The following RHBDD1 variants were observed in gnomAD, a reference collection of about 807,000 sequenced individuals.
RHBDD1 encodes the protein rhomboid domain containing 1.
A neutral mutation model predicts 36.3 loss-of-function variants in RHBDD1; 38 were observed. The ratio of observed to expected loss-of-function variants is 1.05; its 90% CI spans 0.81 to 1.37. RHBDD1 has a LOEUF of 1.37. Ranked by LOEUF, RHBDD1 falls within the 40% of genes most tolerant of loss-of-function variation. RHBDD1 has a pLI of 0.00. For synonymous variants in RHBDD1, 151 were observed against 136.5 expected, an observed-to-expected ratio of 1.11 and a Z score of -0.74; for missense variants, 393 against 377.6, an observed-to-expected ratio of 1.04 and a Z score of -0.34.
chr2:226,862,756 T>G (rs1039728957), intron 3 of RHBDD1, among the ~76,000 whole-genome samples: 1 of 152,212 alleles, frequency 6.6e-6, no homozygotes, highest in African/African-American at 2.4e-5. Context: ...TCTATTTAGC[T>G]CACAGTTCTA....
chr2:226,992,688 T>C (rs892415816), intron 8 of RHBDD1, among the ~76,000 whole-genome samples: 1 of 152,156 alleles, frequency 6.6e-6, no homozygotes, highest in African/African-American at 2.4e-5. Flanking sequence ...CAGATAGCAG[T>C]GAGCTTCCCA....
the RHBDD1 span, among the ~76,000 whole-genome samples, chr2:226,816,038 C>T: frequency 2.6e-4 from 39 of 152,244 alleles, no homozygotes; most frequent in East Asian, 6.9e-3. Flanking sequence ...GTGTAGGTGA[C>T]GCTGCCTTCA....
intron 8 of RHBDD1, among the ~76,000 whole-genome samples, chr2:226,963,166 C>G (rs1284501187): frequency 9.2e-6 from 1 of 108,536 alleles, no homozygotes; most frequent in Non-Finnish European, 1.9e-5. Context: ...AACCGCTATG[C>G]TTGAGAGTAA....
At chr2:226,831,836 G>A (rs116158310), upstream of RHBDD1, among the ~76,000 whole-genome samples, 3,270 of 151,904 alleles carry the variant, frequency 0.022, 120 homozygotes, top group African/African-American at 0.074. Flanking sequence ...TTGGCACAAC[G>A]TTATTTACAG....
intron 5 of RHBDD1, among the ~76,000 whole-genome samples, chr2:226,896,630 A>C (rs1313181111): frequency 6.6e-6 from 1 of 151,962 alleles, no homozygotes; most frequent in Non-Finnish European, 1.5e-5. Context: ...GGAATAGATC[A>C]CTCCTAAAAA....
intron 6 of RHBDD1, 185 bp from the exon 7 acceptor site, chr2:226,908,637 G>A: frequency 2.1e-5 from 11 of 512,648 alleles, no homozygotes; most frequent in South Asian, 2.5e-5. Flanking sequence ...TTCCCTGTAG[G>A]GACACACACA....
intron 8 of RHBDD1, among the ~76,000 whole-genome samples, chr2:226,974,750 A>T (rs1047204321): frequency 6.6e-6 from 1 of 151,968 alleles, no homozygotes; most frequent in Non-Finnish European, 1.5e-5. Flanking sequence ...CAGGGTGGAT[A>T]CTCCCTGCAG....
At chr2:226,834,968 G>A (rs577088760), upstream of RHBDD1, among the ~76,000 whole-genome samples, 4 of 152,298 alleles carry the variant, frequency 2.6e-5, no homozygotes, top group South Asian at 8.3e-4. Context: ...TAGAGACAGG[G>A]TTTCGCCATG....
At chr2:226,929,166 A>G (rs1228397813) in intron 8 of RHBDD1, among the ~76,000 whole-genome samples, 1 of 152,064 alleles carries the variant, frequency 6.6e-6, no homozygotes, top group South Asian at 2.1e-4. Flanking sequence ...CGGTATCACC[A>G]TGACACCAAA....
intron 8 of RHBDD1, among the ~76,000 whole-genome samples, chr2:226,971,569 A>T (rs1559325993): frequency 1.3e-5 from 2 of 152,218 alleles, no homozygotes; most frequent in Non-Finnish European, 2.9e-5. Context: ...AGCCACTTTC[A>T]GGTCATAATC....
intron 5 of RHBDD1, among the ~76,000 whole-genome samples, chr2:226,892,075 G>T (rs1245022325): frequency 6.6e-6 from 1 of 152,192 alleles, no homozygotes; most frequent in Non-Finnish European, 1.5e-5. Context: ...CTTCACTAGG[G>T]TGACTTTTGT....
At chr2:226,804,865 A>C in the RHBDD1 span, 2 of 152,132 alleles carry the variant, frequency 1.3e-5, no homozygotes, top group Non-Finnish European at 2.9e-5. Context: ...TGTCTAAAAA[A>C]CTTGGTCCTG....
At chr2:226,850,760 G>A (rs1243747050) in intron 3 of RHBDD1, among the ~76,000 whole-genome samples, 1 of 152,148 alleles carries the variant, frequency 6.6e-6, no homozygotes, top group East Asian at 1.9e-4. Flanking sequence ...CACTAAGATT[G>A]TGTGAAATCC....
chr2:226,840,060 A>G (rs900252578), intron 3 of RHBDD1, among the ~76,000 whole-genome samples: 1 of 152,206 alleles, frequency 6.6e-6, no homozygotes, highest in African/African-American at 2.4e-5. Flanking sequence ...TTCAAATGCT[A>G]AGTATTTGTT....
chr2:226,835,610 G>A (rs1007325368), upstream of RHBDD1: 1 of 152,238 alleles, frequency 6.6e-6, no homozygotes, highest in East Asian at 1.9e-4. Flanking sequence ...GCTGCGCTGG[G>A]GCCCGGAAGG....
rs149674430 is a variant in RHBDD1 at position 226,908,493 on chromosome 2, G to A, written c.656-329G>A. ...CCATTTAGCCAGAGTGTCTCTGCTT[G>A]TACAGAGACATCAAAGCCGAGGCTT... On this transcript the variant is annotated intron_variant, in intron 6 of 8. Coordinates refer to ENST00000392062, the MANE Select transcript of RHBDD1 (RefSeq NM_001167608.3). 4.7e-4 allele frequency: 132 copies of A among 278,228 alleles called. 1 individual carries two copies. The highest frequency in any genetic ancestry group is 2.5e-3 in the African/African-American group (117 of 46,410). 17.2% of individuals were successfully genotyped at this position (278,228 alleles called of 1,614,324 possible).
intron 5 of RHBDD1, among the ~76,000 whole-genome samples, chr2:226,875,450 T>A (rs925439982): frequency 6.6e-6 from 1 of 152,134 alleles, no homozygotes; most frequent in African/African-American, 2.4e-5. Flanking sequence ...GCTTTTGAGA[T>A]CCTTGTTAAA....
intron 8 of RHBDD1, among the ~76,000 whole-genome samples, chr2:226,978,454 C>T (rs1954986041): frequency 1.3e-5 from 2 of 152,166 alleles, no homozygotes; most frequent in Non-Finnish European, 2.9e-5. Flanking sequence ...GACCCCTGGA[C>T]ATATGGACCA....
At chr2:226,819,959 A>C in the RHBDD1 span, among the ~76,000 whole-genome samples, 8 of 149,472 alleles carry the variant, frequency 5.4e-5, no homozygotes, top group Non-Finnish European at 1.2e-4. Flanking sequence ...TTAAATGTGA[A>C]AACTACATAT....
Sources: allele counts gnomAD v4.1 joint callset (sites outside exome capture counted in the v4.1 genomes callset), GRCh38; gene constraint gnomAD v4.1.1; transcripts MANE v1.5; gene names NCBI Gene and HGNC (gene_info 2026-07-23, HGNC 2026-07-21).